The following TMEM132D variants were observed in gnomAD, a reference collection of about 807,000 sequenced individuals.
TMEM132D encodes the protein mature OL transmembrane protein.
A neutral mutation model predicts 62.3 loss-of-function variants in TMEM132D; 21 were observed. The observed-to-expected ratio is 0.34, with a 90% CI of 0.24 to 0.49. The LOEUF (loss-of-function observed/expected upper bound fraction) is 0.49, where lower values mean the gene tolerates loss of function less well. TMEM132D is among the 20% of genes least tolerant of loss of function. The pLI is 0.99. For missense variants in TMEM132D, 1,346 were observed against 1,402.8 expected (o/e 0.96, Z 0.65); for synonymous variants, 621 against 575.6 (o/e 1.08, Z -1.13).
At chr12:129,884,508 A>C (rs1472596070) in intron 1 of TMEM132D, among the ~76,000 whole-genome samples, 1 of 152,250 alleles carries the variant, frequency 6.6e-6, no homozygotes, top group Non-Finnish European at 1.5e-5. Flanking sequence ...AATCACACTA[A>C]ATGCCACTCA....
At chr12:129,693,408 ATAACT>A (rs1379404032) in intron 2 of TMEM132D, among the ~76,000 whole-genome samples, 4 of 152,248 alleles carry the variant, frequency 2.6e-5, no homozygotes, top group Non-Finnish European at 5.9e-5. Context: ...AGCATTCTAA[ATAACT>A]TAAGCAGCTA....
chr12:129,089,269 G>T, intron 5 of TMEM132D, among the ~76,000 whole-genome samples: 1 of 42,838 alleles, frequency 2.3e-5, no homozygotes, highest in East Asian at 1.4e-3. Context: ...TCCATGACCG[G>T]GATGTCCTCC....
At chr12:129,358,869 C>CA (rs1310531459) in intron 3 of TMEM132D, among the ~76,000 whole-genome samples, 1 of 151,510 alleles carries the variant, frequency 6.6e-6, no homozygotes, top group Non-Finnish European at 1.5e-5. Context: ...AAAACAAAGA[C>CA]AAAAAAACCC....
At chr12:129,768,514 A>G (rs531816238) in intron 1 of TMEM132D, among the ~76,000 whole-genome samples, 2 of 152,078 alleles carry the variant, frequency 1.3e-5, no homozygotes, top group South Asian at 2.1e-4. Flanking sequence ...GAATTAATAT[A>G]TGATTTAGGA....
chr12:129,817,149 G>A (rs1003459328), intron 1 of TMEM132D, among the ~76,000 whole-genome samples: 3 of 152,184 alleles, frequency 2.0e-5, no homozygotes, highest in African/African-American at 7.2e-5. Flanking sequence ...ATATGCAATG[G>A]CTGCAGTCAA....
intron 5 of TMEM132D, among the ~76,000 whole-genome samples, chr12:129,183,186 G>A (rs906616856): frequency 1.1e-4 from 16 of 152,316 alleles, no homozygotes; most frequent in East Asian, 1.9e-4. Flanking sequence ...AGGAGACTCC[G>A]GAATGGCACA....
chr12:129,345,004 TTCCC>T (rs1458750102), intron 3 of TMEM132D, among the ~76,000 whole-genome samples: 2 of 152,128 alleles, frequency 1.3e-5, no homozygotes, highest in African/African-American at 4.8e-5. Flanking sequence ...CAGGGGACTC[TTCCC>T]TTTGCTTTTT....
At chr12:129,328,768 T>G (rs529497996) in intron 4 of TMEM132D, among the ~76,000 whole-genome samples, 20 of 152,218 alleles carry the variant, frequency 1.3e-4, no homozygotes, top group African/African-American at 4.6e-4. Flanking sequence ...ACGCTCTGTT[T>G]CCCGTGTGAG....
chr12:129,450,813 G>A (rs181855529), intron 3 of TMEM132D, among the ~76,000 whole-genome samples: 3 of 139,770 alleles, frequency 2.1e-5, no homozygotes. Flanking sequence ...CTGGAGTGCA[G>A]TGCTGCAATC....
rs139345498 is a variant in TMEM132D at position 129,900,531 on chromosome 12, G to C, written c.79+2730C>G. On this transcript the variant is annotated intron_variant, in intron 1 of 8. Transcript: ENST00000422113. The stretch of plus-strand genomic sequence containing the variant: ...CTCAGCGTCTGCTTCTTTCCTACCA[G>C]CATGTGCAAGGGAACATAACTGGGA... Among the ~76,000 whole-genome samples the C allele has an allele frequency of 4.4e-3, 676 of 152,280 alleles. 2 individuals are homozygous for C. The highest frequency in any genetic ancestry group is 8.0e-3 in the Non-Finnish European group (545 of 68,018).
intron 4 of TMEM132D, among the ~76,000 whole-genome samples, chr12:129,273,220 C>CA (rs1437222512): frequency 6.6e-6 from 1 of 150,950 alleles, no homozygotes; most frequent in Non-Finnish European, 1.5e-5. Flanking sequence ...AACAAACAAA[C>CA]AAAAAACAAG....
intron 2 of TMEM132D, among the ~76,000 whole-genome samples, chr12:129,660,905 GGAGT>G (rs1880222201): frequency 6.6e-6 from 1 of 152,162 alleles, no homozygotes; most frequent in South Asian, 2.1e-4. Flanking sequence ...GTCTCCAACA[GGAGT>G]GAGGCAGAAG....
intron 1 of TMEM132D, among the ~76,000 whole-genome samples, chr12:129,758,133 G>A (rs183964312): frequency 3.9e-5 from 6 of 152,142 alleles, no homozygotes; most frequent in Admixed American, 6.5e-5. Flanking sequence ...TCGAACTCCC[G>A]ACCTCAGGTG....
chr12:129,297,111 C>A (rs567220021), intron 4 of TMEM132D, among the ~76,000 whole-genome samples: 2 of 152,270 alleles, frequency 1.3e-5, no homozygotes, highest in South Asian at 4.1e-4. Context: ...AGCCTGGACA[C>A]GCAGGGAGAC....
In TMEM132D at chr12:129,827,744, C is replaced by T. The variant is rs1334000139; in HGVS notation, c.79+75517G>A. Among the ~76,000 whole-genome samples the T allele has an allele frequency of 6.6e-6, 1 of 152,128 alleles. No individual in the cohort carries two copies. ...GTCACTGGAAGTTAATCTTTAGCCC[C>T]CTCACCTCAGTTAAGTGCATTCCGA... is the stretch of plus-strand genomic sequence containing the variant. On this transcript the variant is annotated intron_variant, in intron 1 of 8. Transcript: ENST00000422113. This position sits in a 1 kb window ranked among gnomAD's most constrained non-coding sequence, Gnocchi z 9.7.
intron 4 of TMEM132D, among the ~76,000 whole-genome samples, chr12:129,310,360 C>T (rs952553892): frequency 2.0e-5 from 3 of 152,178 alleles, no homozygotes; most frequent in African/African-American, 7.2e-5. Flanking sequence ...GCTTCAGTAA[C>T]CTGGAGCTGG....
intron 5 of TMEM132D, among the ~76,000 whole-genome samples, chr12:129,105,514 G>A (rs1242034079): frequency 7.0e-6 from 1 of 143,784 alleles, no homozygotes; most frequent in African/African-American, 2.7e-5. Flanking sequence ...TGCACAATGT[G>A]CACATGTACC....
In TMEM132D at chr12:129,903,904, G is replaced by GGC. The variant is rs1018567593; in HGVS notation, c.-567_-566dup. On this transcript the variant is annotated 5_prime_UTR_variant, in exon 1 of 9. Coordinates refer to ENST00000422113, the MANE Select transcript of TMEM132D (RefSeq NM_133448.3). The surrounding 1 kb of genome is among the most constrained non-coding windows in gnomAD (Gnocchi z 6.2). ...GCCGGCCGCTGCGCCTCGGGGCTCG[G>GGC]GCGCGCGCGCGCTCCGGCACCCAAA... Among the ~76,000 whole-genome samples, 8 of 146,904 alleles carry GGC rather than the reference G, an allele frequency of 5.4e-5. No homozygotes were observed. Among genetic ancestry groups the GGC allele is most frequent in the African/African-American group, 1.7e-4 (7 of 40,868 alleles).
chr12:129,554,705 TG>T lies in TMEM132D; in HGVS notation c.969-23501del, dbSNP rs1180714879. ...TTTTCCGCCAGTGACTTTCCTTTAT[TG>T]GGAAGATAAACCTGGAGACCTGCTT... On this transcript the variant is annotated intron_variant, in intron 2 of 8. Coordinates refer to ENST00000422113, the MANE Select transcript of TMEM132D (RefSeq NM_133448.3). 4.6e-5 allele frequency among the ~76,000 whole-genome samples: 7 copies of T among 152,158 alleles called. No individual in the cohort carries two copies. The East Asian group carries it at 1.3e-3, about 29-fold the overall frequency.
Sources: allele counts gnomAD v4.1 joint callset (sites outside exome capture counted in the v4.1 genomes callset), GRCh38; gene constraint gnomAD v4.1.1; non-coding constraint Gnocchi (gnomAD v3.1); transcripts MANE v1.5; gene names NCBI Gene and HGNC (gene_info 2026-07-23, HGNC 2026-07-21).